The following RHOBTB1 variants were observed in gnomAD, a reference collection of about 807,000 sequenced individuals.
The protein encoded by RHOBTB1 is Rho related BTB domain containing 1.
In RHOBTB1, 40 loss-of-function variants were observed where a neutral mutation model predicts 71.6. The observed-to-expected ratio is 0.56, with a 90% CI of 0.43 to 0.73. The LOEUF is 0.73. Ranked by LOEUF, RHOBTB1 falls within the 30% of genes least tolerant of loss-of-function variation. The probability of loss-of-function intolerance (pLI) is 0.00; values close to 1 mark genes in which losing one functional copy is unlikely to be tolerated. For missense variants in RHOBTB1, 797 were observed against 894.0 expected (o/e 0.89, Z 1.38); for synonymous variants, 319 against 334.9 (o/e 0.95, Z 0.52).
At chr10:60,985,245 G>C (rs2086623717) in intron 2 of RHOBTB1, among the ~76,000 whole-genome samples, 1 of 152,126 alleles carries the variant, frequency 6.6e-6, no homozygotes, top group East Asian at 1.9e-4. Context: ...AGAGTAAACT[G>C]TCCATTTCAA....
chr10:60,979,113 C>A lies in RHOBTB1; in HGVS notation c.-62+6732G>T, dbSNP rs182684076. Among the ~76,000 whole-genome samples the A allele has an allele frequency of 2.0e-5, 3 of 152,120 alleles. No homozygotes were observed. In the East Asian group the frequency reaches 5.8e-4, roughly 29 times the overall value. On this transcript the variant is annotated intron_variant, in intron 2 of 11. Coordinates refer to the RHOBTB1 transcript ENST00000357917. ...CAGGTTCAAGGCTCTAATATTTATG[C>A]TAGGAACATGTATGCTAGGAAAAGT...
At chr10:60,885,047 T>G (rs2081504245) in intron 7 of RHOBTB1, among the ~76,000 whole-genome samples, 1 of 152,150 alleles carries the variant, frequency 6.6e-6, no homozygotes, top group African/African-American at 2.4e-5. Context: ...GTCTCCCAAG[T>G]ACCTAGGACC....
At chr10:60,940,832 C>T (rs534121341) in intron 2 of RHOBTB1, among the ~76,000 whole-genome samples, 1 of 152,244 alleles carries the variant, frequency 6.6e-6, no homozygotes, top group Non-Finnish European at 1.5e-5. Flanking sequence ...AAATGCTGAA[C>T]TTCTCATAAA....
chr10:60,888,054 A>G (rs1192257592), intron 6 of RHOBTB1, among the ~76,000 whole-genome samples, 158 bp downstream of exon 6: 1 of 152,178 alleles, frequency 6.6e-6, no homozygotes, highest in African/African-American at 2.4e-5. Context: ...TCTGATGAGG[A>G]TTAAAGAAGT....
intron 4 of RHOBTB1, among the ~76,000 whole-genome samples, chr10:60,896,147 T>C (rs967704036): frequency 6.6e-5 from 10 of 152,254 alleles, no homozygotes; most frequent in African/African-American, 2.4e-4. Flanking sequence ...ACTAGAGATA[T>C]TAAATAACTT....
chr10:60,907,178 T>C (rs1319526231), intron 4 of RHOBTB1, among the ~76,000 whole-genome samples: 1 of 152,220 alleles, frequency 6.6e-6, no homozygotes, highest in Non-Finnish European at 1.5e-5. Context: ...TTTTTCTTTA[T>C]AAATTACCTA....
intron 8 of RHOBTB1, among the ~76,000 whole-genome samples, chr10:60,876,840 A>G (rs2132293343): frequency 6.6e-6 from 1 of 152,364 alleles, no homozygotes; most frequent in South Asian, 2.1e-4. Context: ...GGACAGAGAA[A>G]TTAATCTTTT....
At chr10:60,879,589 C>T (rs531883795) in intron 7 of RHOBTB1, among the ~76,000 whole-genome samples, 2 of 152,178 alleles carry the variant, frequency 1.3e-5, no homozygotes, top group African/African-American at 4.8e-5. Flanking sequence ...AAGTGATCCT[C>T]CTGCCTTGGC....
chr10:60,892,614 T>C lies in RHOBTB1; in HGVS notation c.482+196A>G, dbSNP rs376918236. ...GTCCAATCATTTGACAAAAATGAGT[T>C]CTGACACCAGAGATGATGGTGCCTG... On this transcript the variant is annotated intron_variant, in intron 5 of 10. Transcript: ENST00000337910. Among the ~76,000 whole-genome samples, 60 of 152,312 alleles carry C rather than the reference T, an allele frequency of 3.9e-4. No individual in the cohort carries two copies. The South Asian group carries it at 0.012, about 31-fold the overall frequency.
downstream of RHOBTB1, among the ~76,000 whole-genome samples, chr10:60,866,237 A>G (rs1420057393): frequency 6.6e-6 from 1 of 152,176 alleles, no homozygotes; most frequent in Non-Finnish European, 1.5e-5. Flanking sequence ...GAATGGAGGA[A>G]CCACAAGGGA....
intron 7 of RHOBTB1, among the ~76,000 whole-genome samples, chr10:60,882,620 G>T (rs887907236): frequency 2.0e-5 from 3 of 152,024 alleles, no homozygotes; most frequent in Admixed American, 1.3e-4. Context: ...ATGGTGTGGG[G>T]GGTGGGAGGG....
intron 7 of RHOBTB1, among the ~76,000 whole-genome samples, chr10:60,885,709 CTT>C (rs1039583336): frequency 4.6e-5 from 7 of 152,164 alleles, no homozygotes; most frequent in African/African-American, 1.7e-4. Flanking sequence ...CTGAAGAACT[CTT>C]TTCCCTTTCT....
chr10:60,889,055 G>A lies in RHOBTB1; in HGVS notation c.613C>T (p.Arg205Ter), dbSNP rs774898794. The A allele has an allele frequency of 5.0e-6, 8 of 1,614,142 alleles. No homozygotes were observed. Among genetic ancestry groups the A allele is most frequent in the East Asian group, 4.5e-5 (2 of 44,880 alleles). The part of the protein sequence containing the change: ...GIKDVFDNAI[R>*]AALISRRHLQ... ...TGCCTGCGGGAAATCAGCGCTGCTC[G>A]GATTGCATTGTCAAACACATCCTTG... The change falls in exon 6 of 11, where the codon CGA (arginine) becomes TGA (stop). Residue 205 changes from arginine to a stop codon, truncating the protein, a stop_gained. Transcript: ENST00000337910. LOFTEE classifies it high-confidence loss of function.
rs564363843 is a variant in RHOBTB1, at chr10:60,870,469, A to C, written c.*1013T>G. 1 of 152,226 alleles carries C rather than the reference A, an allele frequency of 6.6e-6. No individual in the cohort carries two copies. Among genetic ancestry groups the C allele is most frequent in the Non-Finnish European group, 1.5e-5 (1 of 68,050 alleles). 9.4% of individuals were successfully genotyped at this position (152,226 alleles called of 1,614,324 possible). ...TAAAAATATGGGTCTTACAAAGTGA[A>C]GTTGGCCACAGGTGAGAAGCCTGAG... On this transcript the variant is annotated 3_prime_UTR_variant, in exon 11 of 11. Coordinates refer to ENST00000337910, the MANE Select transcript of RHOBTB1 (RefSeq NM_014836.5).
chr10:60,942,425 A>T (rs1589383183), intron 1 of RHOBTB1, among the ~76,000 whole-genome samples: 1 of 152,226 alleles, frequency 6.6e-6, no homozygotes, highest in African/African-American at 2.4e-5. Flanking sequence ...GAAAACAATC[A>T]TGGGCAAAAT....
At chr10:60,928,330 CAA>C (rs59082796) in intron 2 of RHOBTB1, among the ~76,000 whole-genome samples, 14 of 146,784 alleles carry the variant, frequency 9.5e-5, no homozygotes, top group Admixed American at 4.0e-4. Flanking sequence ...ATATCCAAAA[CAA>C]AAAAAAAAAG....
At chr10:60,862,711 CTTCTTTCT>C in the RHOBTB1 span, among the ~76,000 whole-genome samples, 1 of 126,876 alleles carries the variant, frequency 7.9e-6, no homozygotes, top group Non-Finnish European at 1.6e-5. Flanking sequence ...TCTTTCTTTC[CTTCTTTCT>C]TTCTTTCCTA....
chr10:60,864,565 C>T (rs1337877585), downstream of RHOBTB1, among the ~76,000 whole-genome samples: 7 of 152,082 alleles, frequency 4.6e-5, no homozygotes, highest in Admixed American at 6.6e-5. Flanking sequence ...AAGCAACCAG[C>T]GGAATAGCAT....
chr10:60,993,088 ATGG>A (rs966771171), intron 1 of RHOBTB1, among the ~76,000 whole-genome samples: 1 of 152,116 alleles, frequency 6.6e-6, no homozygotes, highest in Admixed American at 6.5e-5. Flanking sequence ...AACAATGGAA[ATGG>A]TGGAATGATG....
Sources: allele counts gnomAD v4.1 joint callset (sites outside exome capture counted in the v4.1 genomes callset), GRCh38; gene constraint gnomAD v4.1.1; transcripts MANE v1.5; gene names NCBI Gene and HGNC (gene_info 2026-07-23, HGNC 2026-07-21).